Variants in NFATC3 observed in about 807,000 individuals in gnomAD.
NFATC3 encodes nuclear factor of activated T-cells, cytoplasmic 3.
In NFATC3, 46 loss-of-function variants were observed where a neutral mutation model predicts 98.6. The ratio of observed to expected loss-of-function variants is 0.47; its 90% CI spans 0.37 to 0.60. NFATC3 has a LOEUF of 0.60. NFATC3 is among the 20% of genes least tolerant of loss of function. The pLI, the probability that NFATC3 is intolerant of heterozygous loss-of-function variation, is 0.00. For synonymous variants in NFATC3, 512 were observed against 472.2 expected, an observed-to-expected ratio of 1.08 and a Z score of -1.09; for missense variants, 1,256 against 1,295.5, an observed-to-expected ratio of 0.97 and a Z score of 0.47.
intron 1 of NFATC3, among the ~76,000 whole-genome samples, chr16:68,108,482 T>A (rs2035783717): frequency 6.6e-6 from 1 of 152,232 alleles, no homozygotes; most frequent in South Asian, 2.1e-4. Context: ...TACTGTAGCC[T>A]TGTAGTATAG....
chr16:68,118,366 TG>T (rs967968103), intron 1 of NFATC3, among the ~76,000 whole-genome samples: 1 of 152,248 alleles, frequency 6.6e-6, no homozygotes, highest in African/African-American at 2.4e-5. Flanking sequence ...GGGGACCATA[TG>T]TGTGTTATTT....
Position 68,227,909 on chromosome 16 carries a change from A to G in NFATC3, c.*1438A>G, listed in dbSNP as rs2042067311. 6.6e-6 allele frequency: 1 copy of G among 152,190 alleles called. No homozygotes were observed. The allele number at this position is 152,190 out of a possible 1,614,324, so 9.4% of individuals were successfully genotyped here. Reference sequence around the variant, plus strand: ...TTGCAGTATGCTTTCAAATGAAATAATATACTTCCATTGATTCAGGAAGCA... The same window carrying G: ...TTGCAGTATGCTTTCAAATGAAATAGTATACTTCCATTGATTCAGGAAGCA... On this transcript the variant is annotated 3_prime_UTR_variant, in exon 10 of 10. Transcript: ENST00000346183.
At chr16:68,214,258 G>A in intron 9 of NFATC3, 1 of 1,134,392 alleles carries the variant, frequency 8.8e-7, no homozygotes, top group South Asian at 1.3e-5. Context: ...AAACAGGCTG[G>A]GCACTGTAGT....
intron 1 of NFATC3, chr16:68,088,968 AT>A: frequency 1.0e-6 from 1 of 985,416 alleles, no homozygotes; most frequent in African/African-American, 1.7e-5. Context: ...TAGCCCCTAT[AT>A]TTTGTTAAAT....
chr16:68,091,314 C>G (rs141508335), intron 1 of NFATC3, among the ~76,000 whole-genome samples: 6 of 152,268 alleles, frequency 3.9e-5, no homozygotes, highest in African/African-American at 1.4e-4. Flanking sequence ...GCTGTAGAAT[C>G]AACTTATAAT....
chr16:68,122,461 A>G lies in NFATC3; in HGVS notation c.578A>G (p.Asp193Gly), dbSNP rs763760951. The stretch of plus-strand genomic sequence containing the variant: ...CTTTCACATATTTATGATGATGTGG[A>G]CTCAGAGTTGAATGAAGCTGCAGCC... ...ESLSHIYDDV[D>G]SELNEAAARF... is the part of the protein sequence containing the mutation. The change falls in exon 2 of 10, where the codon GAC becomes GGC. Residue 193 changes from aspartate (D) to glycine (G), a missense_variant. By Grantham distance (94) the Asp-to-Gly change is moderately conservative. Coordinates refer to ENST00000346183, the MANE Select transcript of NFATC3 (RefSeq NM_173165.3). 8.9e-5 allele frequency: 143 copies of G among 1,613,780 alleles called. No individual in the cohort carries two copies. Among genetic ancestry groups the G allele is most frequent in the Non-Finnish European group, 6.6e-5 (78 of 1,179,996 alleles).
At chr16:68,144,118 A>C (rs770983815) in intron 3 of NFATC3, among the ~76,000 whole-genome samples, 15 of 152,334 alleles carry the variant, frequency 9.8e-5, no homozygotes, top group Admixed American at 3.3e-4. Context: ...AAGATCATAG[A>C]ATGTATAAAG....
chr16:68,163,189 TCCC>T (rs1306743010), intron 4 of NFATC3, among the ~76,000 whole-genome samples: 1 of 151,768 alleles, frequency 6.6e-6, no homozygotes, highest in African/African-American at 2.4e-5. Flanking sequence ...TCCCCACCTT[TCCC>T]CCCTTTCTAT....
intron 1 of NFATC3, among the ~76,000 whole-genome samples, chr16:68,094,644 A>C (rs1710490181): frequency 6.6e-6 from 1 of 152,164 alleles, no homozygotes; most frequent in African/African-American, 2.4e-5. Context: ...TCTCCCTTTG[A>C]GAGCAAAGGC....
At chr16:68,166,551 C>G (rs746730660) in intron 4 of NFATC3, among the ~76,000 whole-genome samples, 1 of 152,178 alleles carries the variant, frequency 6.6e-6, no homozygotes, top group Non-Finnish European at 1.5e-5. Flanking sequence ...TCAAGGAGAG[C>G]AGGCATAGAT....
rs753615194 is a variant in NFATC3, at chr16:68,121,242, C to CTT, written c.104-724_104-723dup. 6.5e-3 allele frequency among the ~76,000 whole-genome samples: 661 copies of CTT among 102,274 alleles called. 4 individuals carry two copies. The highest frequency in any genetic ancestry group is 0.017 in the East Asian group (56 of 3,326). The allele number at this position is 102,274 out of a possible 152,430, so 67.1% of individuals were successfully genotyped here. ...AGGAATATCTCATTTCTTTTCTTTT[C>CTT]TTTTTTTTTTTTTTTTTTTTTTGAG... On this transcript the variant is annotated intron_variant, in intron 1 of 9. Transcript: ENST00000346183.
intron 4 of NFATC3, among the ~76,000 whole-genome samples, chr16:68,163,560 C>T (rs937217464): frequency 6.6e-6 from 1 of 151,942 alleles, no homozygotes; most frequent in Non-Finnish European, 1.5e-5. Flanking sequence ...CACCTCCCTC[C>T]TGGACGGGGT....
intron 1 of NFATC3, among the ~76,000 whole-genome samples, chr16:68,094,870 T>C (rs913752233): frequency 7.9e-5 from 12 of 152,208 alleles, no homozygotes; most frequent in Non-Finnish European, 1.6e-4. Context: ...CACAGCTCTT[T>C]TCTTTTTAAG....
At chr16:68,191,799 T>G (rs764267645) in intron 9 of NFATC3, 24 bp downstream of exon 9, 1 of 1,611,572 alleles carries the variant, frequency 6.2e-7, no homozygotes, top group South Asian at 1.1e-5. Context: ...TGATATGTTC[T>G]TGAAGTAGTG....
chr16:68,122,044 C>G lies in NFATC3; in HGVS notation c.161C>G (p.Ser54Cys). The change falls in exon 2 of 10, where the codon TCT becomes TGT. Residue 54 changes from serine to cysteine, a missense_variant. By Grantham distance (112) the Ser-to-Cys change is moderately radical. Coordinates refer to ENST00000346183, the MANE Select transcript of NFATC3 (RefSeq NM_173165.3). Reference sequence around the variant, plus strand: ...ATCTTTAATGTAGATCCACCTCCATCTACTTTAACCACACCACTTTGCTTA... The same window carrying G: ...ATCTTTAATGTAGATCCACCTCCATGTACTTTAACCACACCACTTTGCTTA... Reference protein sequence around the residue: ...IYIFNVDPPPSTLTTPLCLPH... With the variant: ...IYIFNVDPPPCTLTTPLCLPH... The G allele has an allele frequency of 1.9e-6, 3 of 1,613,374 alleles. No homozygotes were observed. Among genetic ancestry groups the G allele is most frequent in the Non-Finnish European group, 2.5e-6 (3 of 1,179,908 alleles).
At chr16:68,181,563 T>A in intron 7 of NFATC3, 33 bp downstream of exon 7, 1 of 1,417,546 alleles carries the variant, frequency 7.1e-7, no homozygotes, top group Non-Finnish European at 1.0e-6. Context: ...TAAGAAATAT[T>A]TAAGACACTG....
intron 3 of NFATC3, among the ~76,000 whole-genome samples, chr16:68,155,025 A>G (rs2038533747): frequency 6.6e-6 from 1 of 152,214 alleles, no homozygotes; most frequent in African/African-American, 2.4e-5. Context: ...CCAGGCTTTA[A>G]TTGCTTCTTT....
chr16:68,192,011 A>G (rs983657079), intron 9 of NFATC3: 37 of 460,840 alleles, frequency 8.0e-5, no homozygotes, highest in Middle Eastern at 6.3e-4. Context: ...GTTCAAGACC[A>G]GCCTGGCCAA....
chr16:68,144,485 A>G (rs2037928943), intron 3 of NFATC3, among the ~76,000 whole-genome samples: 1 of 152,102 alleles, frequency 6.6e-6, no homozygotes, highest in African/African-American at 2.4e-5. Flanking sequence ...AATATTCGTA[A>G]CAACTATGTA....
Sources: gnomAD v4.1 joint callset for allele counts (sites outside exome capture counted in the v4.1 genomes callset) on GRCh38, gnomAD v4.1.1 for gene constraint, MANE v1.5 for transcripts, NCBI Gene and HGNC (gene_info 2026-07-23, HGNC 2026-07-21) for gene names.